Variants in TENM4 observed in about 807,000 individuals in gnomAD.
TENM4 encodes the protein teneurin transmembrane protein 4.
In TENM4, 82 loss-of-function variants were observed where a neutral mutation model predicts 243.3. The ratio of observed to expected loss-of-function variants is 0.34; its 90% CI spans 0.28 to 0.40. The LOEUF is 0.40. TENM4 is among the 10% of genes least tolerant of loss of function. The pLI is 1.00. For missense variants in TENM4, 3,138 were observed against 3,673.3 expected (o/e 0.85, Z 3.77); for synonymous variants, 1,412 against 1,456.3 (o/e 0.97, Z 0.69).
chr11:78,889,031 G>A (rs1189531414), intron 9 of TENM4, among the ~76,000 whole-genome samples: 3 of 152,204 alleles, frequency 2.0e-5, no homozygotes, highest in Non-Finnish European at 4.4e-5. Flanking sequence ...GTAGGAAGGG[G>A]TCAGACTGTG....
chr11:79,413,667 C>A (rs1452092207), intron 1 of TENM4, among the ~76,000 whole-genome samples: 3 of 151,904 alleles, frequency 2.0e-5, no homozygotes, highest in African/African-American at 7.3e-5. Context: ...TTGTTTGTAT[C>A]CTAGTTTAGG....
rs114977938 is a variant in TENM4, at chr11:79,334,230, G to A, written c.-320-36687C>T. ...GAGCAGGTGAATGCCTTACAGTGTC[G>A]CATATAGTCTGGCAGGACTCAGCTG... On this transcript the variant is annotated intron_variant, in intron 1 of 33. Coordinates refer to ENST00000278550, the MANE Select transcript of TENM4 (RefSeq NM_001098816.3). 3.4e-3 allele frequency among the ~76,000 whole-genome samples: 522 copies of A among 152,318 alleles called. 2 individuals are homozygous for A. Among genetic ancestry groups the A allele is most frequent in the African/African-American group, 0.012 (502 of 41,564 alleles).
At chr11:79,033,242 T>C (rs995988915) in intron 6 of TENM4, among the ~76,000 whole-genome samples, 2 of 152,128 alleles carry the variant, frequency 1.3e-5, no homozygotes, top group African/African-American at 4.8e-5. Context: ...GGGACAGCCA[T>C]ACAGCAGGTG....
rs375097221 is a variant in TENM4 at position 78,673,476 on chromosome 11, G to A, written c.5497-1147C>T. On this transcript the variant is annotated intron_variant, in intron 30 of 33. Coordinates refer to ENST00000278550, the MANE Select transcript of TENM4 (RefSeq NM_001098816.3). ...ATGCAAAATGGCATGTGTGGACCGA[G>A]GCAATGAAAGGCCCTCTGGATCCCT... is the stretch of plus-strand genomic sequence containing the variant. 5.7e-4 allele frequency among the ~76,000 whole-genome samples: 87 copies of A among 152,298 alleles called. 1 individual carries two copies. Among genetic ancestry groups the A allele is most frequent in the African/African-American group, 1.9e-3 (80 of 41,562 alleles).
At chr11:79,361,530 T>C (rs1857589141) in intron 1 of TENM4, among the ~76,000 whole-genome samples, 1 of 152,230 alleles carries the variant, frequency 6.6e-6, no homozygotes, top group Non-Finnish European at 1.5e-5. Flanking sequence ...TGCTAGTCTC[T>C]GGGGGCTTCA....
At chr11:79,315,447 G>A (rs957179141) in intron 1 of TENM4, among the ~76,000 whole-genome samples, 1 of 152,204 alleles carries the variant, frequency 6.6e-6, no homozygotes, top group African/African-American at 2.4e-5. Flanking sequence ...GTCTTGCAGA[G>A]AGGTCAAACA....
intron 6 of TENM4, among the ~76,000 whole-genome samples, chr11:78,978,512 T>C (rs1329814213): frequency 6.6e-6 from 1 of 152,146 alleles, no homozygotes; most frequent in Non-Finnish European, 1.5e-5. Context: ...GTTAGTTGGT[T>C]CATAAGAGGA....
chr11:79,339,892 G>T (rs1857214018), intron 1 of TENM4, among the ~76,000 whole-genome samples: 1 of 152,172 alleles, frequency 6.6e-6, no homozygotes, highest in Non-Finnish European at 1.5e-5. Context: ...GCTCCCCGTG[G>T]TTGGGTGCAG....
intron 1 of TENM4, among the ~76,000 whole-genome samples, chr11:79,348,400 T>G (rs1015184662): frequency 6.6e-6 from 1 of 152,192 alleles, no homozygotes; most frequent in Non-Finnish European, 1.5e-5. Flanking sequence ...ACAGGGATCA[T>G]ACAAGATGCC....
intron 12 of TENM4, among the ~76,000 whole-genome samples, chr11:78,837,884 T>C (rs909017041): frequency 6.6e-6 from 1 of 152,200 alleles, no homozygotes; most frequent in African/African-American, 2.4e-5. Context: ...TGTTTCCAAA[T>C]TGCCACAATT....
At chr11:79,416,718 C>T (rs1415520863) in intron 1 of TENM4, among the ~76,000 whole-genome samples, 1 of 152,096 alleles carries the variant, frequency 6.6e-6, no homozygotes, top group Non-Finnish European at 1.5e-5. Flanking sequence ...AGGTAATTTG[C>T]CTCAAGTCAC....
At chr11:78,857,047 C>T (rs1858697348) in intron 10 of TENM4, among the ~76,000 whole-genome samples, 1 of 151,956 alleles carries the variant, frequency 6.6e-6, no homozygotes. Flanking sequence ...TATCAAACTC[C>T]TTCTATTTAG....
intron 1 of TENM4, among the ~76,000 whole-genome samples, chr11:79,398,139 G>A (rs1234380363): frequency 6.6e-6 from 1 of 152,100 alleles, no homozygotes; most frequent in East Asian, 1.9e-4. Context: ...TGCAGCATCG[G>A]CCCAAGTTTG....
chr11:79,314,033 G>T (rs758818738), intron 1 of TENM4, among the ~76,000 whole-genome samples: 10 of 152,162 alleles, frequency 6.6e-5, no homozygotes, highest in Non-Finnish European at 1.0e-4. Context: ...AATCTAATGA[G>T]ATAATCATGT....
At chr11:78,798,861 C>G (rs369089331) in intron 15 of TENM4, among the ~76,000 whole-genome samples, 2 of 152,060 alleles carry the variant, frequency 1.3e-5, no homozygotes, top group African/African-American at 4.8e-5. Context: ...CATTACTGGC[C>G]AAGTTCACTG....
At chr11:79,210,467 G>A (rs988858616) in intron 3 of TENM4, among the ~76,000 whole-genome samples, 3 of 152,186 alleles carry the variant, frequency 2.0e-5, no homozygotes, top group African/African-American at 7.2e-5. Flanking sequence ...AGATACAACA[G>A]AAACACATCT....
rs756271896 is a variant in TENM4, at chr11:78,658,394, G to A, written c.7974C>T (p.Gly2658=). The part of the protein sequence containing the change: ...TVSQINTVLN[G]RTRRYTDIQL... The stretch of plus-strand genomic sequence containing the variant: ...GGATGTCTGTGTAGCGTCTAGTCCT[G>A]CCATTAAGTACTGTGTTGATCTGGG... The change falls in exon 34 of 34, where the codon GGC becomes GGT. Residue 2658 remains glycine (G), a synonymous_variant. Transcript: ENST00000278550. The A allele has an allele frequency of 1.9e-6, 3 of 1,613,932 alleles. No homozygotes were observed. The highest frequency in any genetic ancestry group is 2.5e-6 in the Non-Finnish European group (3 of 1,179,908).
chr11:78,665,025 A>C (rs926782892), intron 32 of TENM4, among the ~76,000 whole-genome samples: 1 of 152,124 alleles, frequency 6.6e-6, no homozygotes, highest in Non-Finnish European at 1.5e-5. Context: ...TTCTTACCAT[A>C]TCAGAAGTAG....
At chr11:78,731,599 C>T (rs1855669814) in intron 21 of TENM4, among the ~76,000 whole-genome samples, 1 of 152,228 alleles carries the variant, frequency 6.6e-6, no homozygotes, top group Non-Finnish European at 1.5e-5. Flanking sequence ...CTCAGGCCTT[C>T]ACTGCTGCCA....
Sources: gnomAD v4.1 joint callset for allele counts (sites outside exome capture counted in the v4.1 genomes callset) on GRCh38, gnomAD v4.1.1 for gene constraint, MANE v1.5 for transcripts, NCBI Gene and HGNC (gene_info 2026-07-23, HGNC 2026-07-21) for gene names.